Variants in ABAT observed in about 807,000 individuals in gnomAD.
ABAT encodes the protein 4-aminobutyrate aminotransferase, also known as 4-aminobutyrate aminotransferase, mitochondrial.
A neutral mutation model predicts 64.6 loss-of-function variants in ABAT; 45 were observed. That is an observed-to-expected ratio of 0.70 (90% confidence interval 0.55 to 0.89). ABAT has a LOEUF of 0.89. Among genes scored for constraint, ABAT ranks in the 40% least tolerant of loss-of-function variants. The pLI, the probability that ABAT is intolerant of heterozygous loss-of-function variation, is 0.00. For missense variants in ABAT, 633 were observed against 658.4 expected (o/e 0.96, Z 0.42); for synonymous variants, 297 against 250.5 (o/e 1.19, Z -1.75).
At chr16:8,719,545 G>A (rs746205588) in intron 1 of ABAT, among the ~76,000 whole-genome samples, 1 of 152,124 alleles carries the variant, frequency 6.6e-6, no homozygotes, top group Non-Finnish European at 1.5e-5. Context: ...TGGGCAGAGA[G>A]GACTCTGAGA....
chr16:8,704,323 AG>A (rs2057892658), intron 1 of ABAT, among the ~76,000 whole-genome samples: 1 of 152,216 alleles, frequency 6.6e-6, no homozygotes, highest in African/African-American at 2.4e-5. Context: ...TGCCACGTCA[AG>A]TTACTCAATA....
chr16:8,745,342 G>A (rs186284332), intron 2 of ABAT, among the ~76,000 whole-genome samples: 1 of 152,200 alleles, frequency 6.6e-6, no homozygotes, highest in East Asian at 1.9e-4. Context: ...TTTGTGTACT[G>A]GTCCCATTAT....
intron 6 of ABAT, among the ~76,000 whole-genome samples, chr16:8,758,582 T>C (rs1367290974): frequency 6.6e-6 from 1 of 151,244 alleles, no homozygotes; most frequent in Admixed American, 6.6e-5. Context: ...GATAATTCTG[T>C]GTGGTGGGGG....
intron 2 of ABAT, among the ~76,000 whole-genome samples, chr16:8,743,575 TATATA>T (rs973759686): frequency 1.2e-3 from 166 of 143,774 alleles, no homozygotes; most frequent in Middle Eastern, 3.6e-3. Flanking sequence ...TTAGTTTTAA[TATATA>T]ATATATTTTA....
At chr16:8,734,391 A>G (rs772126414) in intron 1 of ABAT, among the ~76,000 whole-genome samples, 16 of 152,056 alleles carry the variant, frequency 1.1e-4, no homozygotes, top group African/African-American at 1.9e-4. Context: ...TCAATGGAGT[A>G]CTTGTTGCAA....
chr16:8,759,633 C>G (rs1176958716), intron 6 of ABAT, among the ~76,000 whole-genome samples: 1 of 152,220 alleles, frequency 6.6e-6, no homozygotes, highest in Non-Finnish European at 1.5e-5. Flanking sequence ...CCACCTCAGC[C>G]TCCTGAGTAG....
In ABAT at chr16:8,783,032, G is replaced by A. The variant is rs1477666290; in HGVS notation, c.*1602G>A. 1.3e-5 allele frequency: 2 copies of A among 151,824 alleles called. No homozygotes were observed. The highest frequency in any genetic ancestry group is 2.9e-5 in the Non-Finnish European group (2 of 68,004). The allele number at this position is 151,824 out of a possible 1,614,324, so 9.4% of individuals were successfully genotyped here. A position where few individuals can be genotyped will look rare whatever the true frequency, so the allele number is the denominator to read the frequency against. On this transcript the variant is annotated 3_prime_UTR_variant, in exon 16 of 16. Transcript: ENST00000268251. The stretch of plus-strand genomic sequence containing the variant: ...TGACAAGTTTAACATATACAAATTC[G>A]TGAATTCTTGTTCATTTTGCATTCC...
intron 1 of ABAT, among the ~76,000 whole-genome samples, chr16:8,734,565 G>A (rs1158119518): frequency 6.6e-6 from 1 of 152,090 alleles, no homozygotes; most frequent in Non-Finnish European, 1.5e-5. Context: ...GAGCATGGTT[G>A]TACATGTTAA....
chr16:8,726,310 G>A (rs1640984), intron 1 of ABAT, among the ~76,000 whole-genome samples: 95,858 of 145,238 alleles, frequency 0.66, 32,451 homozygotes, highest in Non-Finnish European at 0.75. Context: ...GCCCAGGCTG[G>A]AGTGCAGTGG....
chr16:8,744,665 G>A (rs2059278704), intron 2 of ABAT, among the ~76,000 whole-genome samples: 2 of 151,896 alleles, frequency 1.3e-5, no homozygotes. Flanking sequence ...ACGGTGCCCA[G>A]CCAGCCACAC....
chr16:8,688,483 T>G (rs986316206), intron 1 of ABAT, among the ~76,000 whole-genome samples: 7 of 152,218 alleles, frequency 4.6e-5, no homozygotes, highest in Non-Finnish European at 1.0e-4. Flanking sequence ...AGACTTACTC[T>G]GTTTTTTTAA....
intron 15 of ABAT, chr16:8,780,533 G>C (rs961783197): frequency 6.4e-6 from 1 of 155,082 alleles, no homozygotes; most frequent in Non-Finnish European, 1.4e-5. Flanking sequence ...AGGCCGACGT[G>C]GGCAGATCAG....
intron 1 of ABAT, chr16:8,722,790 G>C: frequency 5.4e-6 from 7 of 1,288,834 alleles, no homozygotes; most frequent in Non-Finnish European, 7.1e-6. Context: ...GGGTCTAGCG[G>C]ATTGCAAAGG....
At chr16:8,753,197 G>T (rs535629954) in intron 5 of ABAT, among the ~76,000 whole-genome samples, 23 of 151,520 alleles carry the variant, frequency 1.5e-4, no homozygotes, top group African/African-American at 5.6e-4. Flanking sequence ...GGGTTCAAGC[G>T]ATTCTCCTGC....
chr16:8,684,017 C>T (rs1176578772), intron 1 of ABAT, among the ~76,000 whole-genome samples: 1 of 152,076 alleles, frequency 6.6e-6, no homozygotes, highest in African/African-American at 2.4e-5. Flanking sequence ...ACTACACCAG[C>T]GCCTCTTCTA....
At chr16:8,721,356 T>C (rs1215857188) in intron 1 of ABAT, among the ~76,000 whole-genome samples, 1 of 152,264 alleles carries the variant, frequency 6.6e-6, no homozygotes, top group East Asian at 1.9e-4. Context: ...GGGCCCACCG[T>C]CCACTCTTTA....
intron 1 of ABAT, among the ~76,000 whole-genome samples, chr16:8,678,292 G>A (rs996261541): frequency 3.3e-5 from 5 of 152,086 alleles, no homozygotes; most frequent in East Asian, 1.9e-4. Context: ...CGATCCTCCC[G>A]CCTTGGCTTC....
chr16:8,750,608 G>C lies in ABAT; in HGVS notation c.316+69G>C, dbSNP rs567829312. 456 of 1,420,618 alleles carry C rather than the reference G, an allele frequency of 3.2e-4. 3 individuals are homozygous for C. The highest frequency in any genetic ancestry group is 1.6e-3 in the Middle Eastern group (7 of 4,296). The allele number at this position is 1,420,618 out of a possible 1,614,324, so 88.0% of individuals were successfully genotyped here. A position where few individuals can be genotyped will look rare whatever the true frequency, so the allele number is the denominator to read the frequency against. On this transcript the variant is annotated intron_variant, in intron 5 of 15. Transcript: ENST00000268251. Reference sequence around the variant, plus strand: ...GTCTCTCCTAGTCGTGGCTATCCAGGTATTAGGATGTGGCTTCCAGCAGGC... The same window carrying C: ...GTCTCTCCTAGTCGTGGCTATCCAGCTATTAGGATGTGGCTTCCAGCAGGC...
chr16:8,677,461 G>C (rs1030460848), intron 1 of ABAT, among the ~76,000 whole-genome samples: 5 of 152,204 alleles, frequency 3.3e-5, no homozygotes, highest in African/African-American at 1.2e-4. Context: ...AGTCATTCAT[G>C]TCTCTGAACC....
Sources: allele counts gnomAD v4.1 joint callset (sites outside exome capture counted in the v4.1 genomes callset), GRCh38; gene constraint gnomAD v4.1.1; transcripts MANE v1.5; gene names NCBI Gene and HGNC (gene_info 2026-07-23, HGNC 2026-07-21).